EREG: variants seen among roughly 807,000 people sequenced by gnomAD.
EREG encodes epiregulin, also known as proepiregulin.
Under a neutral mutation model 22.4 loss-of-function variants are expected in EREG, and 23 were observed. That is an observed-to-expected ratio of 1.03 (90% confidence interval 0.74 to 1.46). The LOEUF is 1.46. Among genes scored for constraint, EREG ranks in the 40% most tolerant of loss-of-function variants. The probability of loss-of-function intolerance (pLI) is 0.00; values close to 1 mark genes in which losing one functional copy is unlikely to be tolerated. For synonymous variants in EREG, 100 were observed against 75.4 expected, an observed-to-expected ratio of 1.33 and a Z score of -1.69; for missense variants, 226 against 205.9, an observed-to-expected ratio of 1.10 and a Z score of -0.60.
At chr4:74,374,229 C>A in intron 1 of EREG, among the ~76,000 whole-genome samples, 1 of 152,172 alleles carries the variant, frequency 6.6e-6, no homozygotes, top group Non-Finnish European at 1.5e-5. Context: ...TAATTTGGAT[C>A]ATTTTTATTT....
At chr4:74,377,428 C>A (rs1318171242) in intron 1 of EREG, among the ~76,000 whole-genome samples, 1 of 152,104 alleles carries the variant, frequency 6.6e-6, no homozygotes, top group Non-Finnish European at 1.5e-5. Context: ...TAAAGTGGCC[C>A]ATTTAACAAT....
At chr4:74,381,227 C>G in intron 3 of EREG, 90 bp downstream of exon 3, 3 of 1,139,016 alleles carry the variant, frequency 2.6e-6, no homozygotes, top group Middle Eastern at 4.1e-4. Flanking sequence ...TGGATATATT[C>G]AGTAGTGGTG....
At chr4:74,366,141 G>C (rs1463670285) in intron 1 of EREG, among the ~76,000 whole-genome samples, 4 of 151,960 alleles carry the variant, frequency 2.6e-5, no homozygotes, top group African/African-American at 9.7e-5. Context: ...TTTAGTTCAA[G>C]GGGAAAAATT....
At chr4:74,369,949 A>G (rs188047527) in intron 1 of EREG, among the ~76,000 whole-genome samples, 373 of 151,924 alleles carry the variant, frequency 2.5e-3, no homozygotes, top group African/African-American at 8.2e-3. Context: ...ATGGTTTCTT[A>G]CAAAAAAAAA....
chr4:74,375,004 A>G (rs1463015705), intron 1 of EREG, among the ~76,000 whole-genome samples: 1 of 152,194 alleles, frequency 6.6e-6, no homozygotes, highest in Non-Finnish European at 1.5e-5. Context: ...TCTGTGTTAT[A>G]TCACCTGGCA....
In EREG at chr4:74,384,896, C is replaced by A. The variant is rs1367192280; in HGVS notation, c.*88C>A. The A allele has an allele frequency of 1.3e-6, 1 of 765,280 alleles. No homozygotes were observed. Among genetic ancestry groups the A allele is most frequent in the South Asian group, 1.8e-5 (1 of 54,714 alleles). 47.4% of individuals were successfully genotyped at this position (765,280 alleles called of 1,614,324 possible). A position where few individuals can be genotyped will look rare whatever the true frequency, so the allele number is the denominator to read the frequency against. On this transcript the variant is annotated 3_prime_UTR_variant, in exon 5 of 5. Coordinates refer to ENST00000244869, the MANE Select transcript of EREG (RefSeq NM_001432.3). ...TTTATTAATAATATTTATGTTGGGT[C>A]AAGTGTTAGGTCAATAACACTGTAT...
intron 3 of EREG, 176 bp downstream of exon 3, chr4:74,381,313 C>A (rs1045745788): frequency 1.9e-6 from 1 of 535,574 alleles, no homozygotes; most frequent in Non-Finnish European, 3.3e-6. Flanking sequence ...ATCCCTTAAC[C>A]CCCCCAAAAC....
At chr4:74,382,575 T>G (rs1490111911) in intron 3 of EREG, 70 bp from the exon 4 acceptor site, 3 of 1,308,844 alleles carry the variant, frequency 2.3e-6, no homozygotes, top group Non-Finnish European at 3.2e-6. Context: ...TTAGTCCTTA[T>G]AAAACTAATT....
At chr4:74,379,325 G>T in intron 1 of EREG, 123 bp from the exon 2 acceptor site, 1 of 601,396 alleles carries the variant, frequency 1.7e-6, no homozygotes. Flanking sequence ...TTTGTTTTAT[G>T]GTTTTGATGG....
chr4:74,371,924 G>C (rs1752297406), intron 1 of EREG, among the ~76,000 whole-genome samples: 1 of 151,106 alleles, frequency 6.6e-6, no homozygotes, highest in South Asian at 2.1e-4. Context: ...ACCACCCTTA[G>C]GTGTCCAACT....
intron 1 of EREG, among the ~76,000 whole-genome samples, chr4:74,373,017 A>G (rs1311708859): frequency 1.8e-5 from 2 of 112,046 alleles, no homozygotes; most frequent in Non-Finnish European, 3.5e-5. Flanking sequence ...TGGTTTCACC[A>G]TGTTGGCCAG....
intron 1 of EREG, among the ~76,000 whole-genome samples, chr4:74,366,375 C>T (rs967368310): frequency 1.3e-5 from 2 of 152,130 alleles, no homozygotes; most frequent in Non-Finnish European, 2.9e-5. Context: ...TTTTGGCACA[C>T]CTTATCTCAG....
intron 4 of EREG, 37 bp from the exon 5 acceptor site, chr4:74,384,690 C>T: frequency 1.7e-6 from 2 of 1,198,756 alleles, no homozygotes; most frequent in South Asian, 1.2e-5. Flanking sequence ...TTGCTATTAA[C>T]TGCAGTGCTA....
intron 4 of EREG, among the ~76,000 whole-genome samples, 170 bp from the exon 5 acceptor site, chr4:74,384,557 C>T (rs187525152): frequency 1.5e-5 from 2 of 133,648 alleles, no homozygotes; most frequent in East Asian, 4.3e-4. Context: ...CAGCACATCA[C>T]CTCTTCATCC....
At position 74,375,338 on chromosome 4, in the gene EREG, AG is replaced by A. The variant is rs1340894391; in HGVS notation, c.68-4109del. Among the ~76,000 whole-genome samples, 138 of 44,344 alleles carry A rather than the reference AG, an allele frequency of 3.1e-3. 1 individual carries two copies. Among genetic ancestry groups the A allele is most frequent in the African/African-American group, 0.011 (132 of 12,070 alleles). 29.1% of individuals were successfully genotyped at this position (44,344 alleles called of 152,430 possible). On this transcript the variant is annotated intron_variant, in intron 1 of 4. Transcript: ENST00000244869. Reference sequence around the variant, plus strand: ...TTTTTTTTTTTTTTTTTTTTTTTTGAGAGGGAGTCTTCCTCTGTCGCCCAGG... The same window carrying A: ...TTTTTTTTTTTTTTTTTTTTTTTTGAAGGGAGTCTTCCTCTGTCGCCCAGG...
intron 1 of EREG, 41 bp downstream of exon 1, chr4:74,365,416 A>T: frequency 6.3e-7 from 1 of 1,587,282 alleles, no homozygotes; most frequent in Non-Finnish European, 8.6e-7. Flanking sequence ...CCCAAAGAGG[A>T]GACAAATAAG....
intron 1 of EREG, among the ~76,000 whole-genome samples, chr4:74,375,719 A>G (rs888403560): frequency 1.3e-5 from 2 of 152,028 alleles, no homozygotes; most frequent in South Asian, 4.1e-4. Flanking sequence ...TCACTCTTCT[A>G]CCCTAGTTTG....
chr4:74,377,169 A>C (rs1385805747), intron 1 of EREG, among the ~76,000 whole-genome samples: 4 of 152,112 alleles, frequency 2.6e-5, no homozygotes, highest in African/African-American at 4.8e-5. Flanking sequence ...AAAAAAAAAA[A>C]AAAAAACATT....
rs1338038110 is a variant in EREG, at chr4:74,365,327, A to T, written c.19A>T (p.Met7Leu). Reference sequence around the variant, plus strand: ...ATCGCCGATGACCGCGGGGAGGAGGATGGAGATGCTCTGTGCCGGCAGGGT... The same window carrying T: ...ATCGCCGATGACCGCGGGGAGGAGGTTGGAGATGCTCTGTGCCGGCAGGGT... MTAGRRMEMLCAGRVPA... is the reference protein window; with the variant it reads MTAGRRLEMLCAGRVPA... The change falls in exon 1 of 5, where the codon ATG (methionine) becomes TTG (leucine). Residue 7 changes from methionine (M) to leucine (L), a missense_variant. Met to Leu is a conservative substitution (Grantham distance 15). Coordinates refer to ENST00000244869, the MANE Select transcript of EREG (RefSeq NM_001432.3). 1 of 1,607,552 alleles carries T rather than the reference A, an allele frequency of 6.2e-7. No individual in the cohort carries two copies. Among genetic ancestry groups the T allele is most frequent in the Non-Finnish European group, 8.5e-7 (1 of 1,179,906 alleles).
Sources: allele counts gnomAD v4.1 joint callset (sites outside exome capture counted in the v4.1 genomes callset), GRCh38; gene constraint gnomAD v4.1.1; transcripts MANE v1.5; gene names NCBI Gene and HGNC (gene_info 2026-07-23, HGNC 2026-07-21).